Variants in PLEKHH1 observed in about 807,000 individuals in gnomAD.
The protein encoded by PLEKHH1 is pleckstrin homology, MyTH4 and FERM domain containing H1.
In PLEKHH1, 104 loss-of-function variants were observed where a neutral mutation model predicts 160.0. That is an observed-to-expected ratio of 0.65 (90% confidence interval 0.55 to 0.76). The LOEUF is 0.76. PLEKHH1 is among the 30% of genes least tolerant of loss of function. The pLI is 0.00. For synonymous variants in PLEKHH1, 619 were observed against 678.4 expected (o/e 0.91, Z 1.36); for missense variants, 1,427 against 1,724.1 (o/e 0.83, Z 3.05).
chr14:67,563,972 G>A (rs2034966176), intron 7 of PLEKHH1, among the ~76,000 whole-genome samples: 3 of 150,784 alleles, frequency 2.0e-5, no homozygotes, highest in Admixed American at 6.6e-5. Context: ...CACAATCTCA[G>A]CTCACTGGAA....
rs1304110069 is a variant in PLEKHH1 at position 67,588,470 on chromosome 14, G to C, written c.*1235G>C. 1 of 152,258 alleles carries C rather than the reference G, an allele frequency of 6.6e-6. No homozygotes were observed. The highest frequency in any genetic ancestry group is 6.5e-5 in the Admixed American group (1 of 15,278). The allele number at this position is 152,258 out of a possible 1,614,324, so 9.4% of individuals were successfully genotyped here. On this transcript the variant is annotated 3_prime_UTR_variant, in exon 29 of 29. Transcript: ENST00000329153. Reference sequence around the variant, plus strand: ...GGGTACATATGTGACATTTGCCCTAGCCTAAGAGTAGCAGGTAAAAAAAAG... The same window carrying C: ...GGGTACATATGTGACATTTGCCCTACCCTAAGAGTAGCAGGTAAAAAAAAG...
rs372636928 is a variant in PLEKHH1, at chr14:67,569,216, G to A, written c.1342G>A (p.Ala448Thr). 1.5e-5 allele frequency: 24 copies of A among 1,607,112 alleles called. No individual in the cohort carries two copies. Among genetic ancestry groups the A allele is most frequent in the African/African-American group, 1.2e-4 (9 of 74,754 alleles). ...MSPRSNTACC[A>T]SSPPALVSPG... is the part of the protein sequence containing the mutation. ...TCCCAGAAGTAATACTGCATGCTGC[G>A]GTGAGTTCCAAGTGAGGCTTGGAGG... The change falls in exon 8 of 29, where the codon GCT (alanine) becomes ACT (threonine). Residue 448 changes from alanine to threonine, a missense_variant and splice_region_variant. Around this residue, in one of 6 missense-constraint regions of PLEKHH1, gnomAD observed 831 missense variants for 929.2 expected, o/e 0.89. Coordinates refer to ENST00000329153, the MANE Select transcript of PLEKHH1 (RefSeq NM_020715.3).
At chr14:67,563,764 T>C in intron 7 of PLEKHH1, among the ~76,000 whole-genome samples, 1 of 145,438 alleles carries the variant, frequency 6.9e-6, no homozygotes, top group South Asian at 2.2e-4. Context: ...GACAGAGTCT[T>C]GCTCTGTCAC....
In PLEKHH1 at chr14:67,576,399, C is replaced by T. The variant is rs757889664; in HGVS notation, c.2357C>T (p.Thr786Met). The change falls in exon 17 of 29, where the codon ACG (threonine) becomes ATG (methionine). Residue 786 changes from threonine (T) to methionine (M), a missense_variant. Physicochemically the swap from Thr to Met is moderately conservative, Grantham distance 81. Around this residue, in one of 6 missense-constraint regions of PLEKHH1, gnomAD observed 436 missense variants for 607.5 expected, o/e 0.72. Transcript: ENST00000329153. The surrounding 1 kb of genome is among the most constrained non-coding windows in gnomAD (Gnocchi z 4.0). ...TGGCTTTCCGCCCTCTTCCAGGATA[C>T]GTGGCTCTACCACCTCACAGTGGCT... is the stretch of plus-strand genomic sequence containing the variant. ...LLIGTKHEKD[T>M]WLYHLTVAAG... The T allele has an allele frequency of 1.6e-5, 25 of 1,590,782 alleles. No individual in the cohort carries two copies. Among genetic ancestry groups the T allele is most frequent in the Middle Eastern group, 1.7e-4 (1 of 5,988 alleles).
In PLEKHH1 at chr14:67,576,499, T is replaced by G; in HGVS notation, c.2457T>G (p.Asp819Glu). ...GAAAACTGATGGATGGTGAAGGAGA[T>G]CCAGGTAAGGCAAGGGTGGCCACCA... ...LIGKLMDGEG[D>E]PDSPLWRHPM... is the part of the protein sequence containing the mutation. Residue 819 changes from aspartate (D) to glutamate (E), a missense_variant, in exon 17 of 29, where the codon GAT becomes GAG. Asp to Glu is a conservative substitution (Grantham distance 45). Coordinates refer to ENST00000329153, the MANE Select transcript of PLEKHH1 (RefSeq NM_020715.3). This position sits in a 1 kb window ranked among gnomAD's most constrained non-coding sequence, Gnocchi z 4.0. 1 of 1,547,596 alleles carries G rather than the reference T, an allele frequency of 6.5e-7. No homozygotes were observed. The highest frequency in any genetic ancestry group is 2.2e-5 in the East Asian group (1 of 44,510).
chr14:67,555,436 A>G (rs1173704021), intron 2 of PLEKHH1, among the ~76,000 whole-genome samples: 1 of 152,164 alleles, frequency 6.6e-6, no homozygotes, highest in East Asian at 1.9e-4. Flanking sequence ...TGGGAGCAGC[A>G]GCATGGCCCC....
intron 28 of PLEKHH1, chr14:67,586,463 G>C (rs1566769114): frequency 1.6e-6 from 2 of 1,263,816 alleles, no homozygotes; most frequent in Admixed American, 2.3e-5. Flanking sequence ...TAAGGTGCTC[G>C]CATGTTACCC....
Position 67,581,791 on chromosome 14 carries a change from A to G in PLEKHH1, c.3285-278A>G, listed in dbSNP as rs916262841. The G allele has an allele frequency of 4.2e-5, 16 of 382,868 alleles. No individual in the cohort carries two copies. In the East Asian group the frequency reaches 7.7e-4, roughly 18 times the overall value. 23.7% of individuals were successfully genotyped at this position (382,868 alleles called of 1,614,324 possible). A position where few individuals can be genotyped will look rare whatever the true frequency, so the allele number is the denominator to read the frequency against. ...CTTACCTCATCCAGTCCCCTAATCT[A>G]TAACTCCAGGTACCAGATTTCCCTT... On this transcript the variant is annotated intron_variant, in intron 23 of 28. Coordinates refer to ENST00000329153, the MANE Select transcript of PLEKHH1 (RefSeq NM_020715.3).
intron 18 of PLEKHH1, 32 bp from the exon 19 acceptor site, chr14:67,577,991 G>A: frequency 6.3e-7 from 1 of 1,597,338 alleles, no homozygotes; most frequent in Non-Finnish European, 8.5e-7. Flanking sequence ...GGGGATGCTG[G>A]TCTGCCTGTG....
In PLEKHH1 at chr14:67,586,030, C is replaced by A. The variant is rs1299128310; in HGVS notation, c.3866C>A (p.Ser1289Tyr). ...CRDDFMLVIR[S>Y]IPDKSSGKSH... ...GATGACTTCATGCTTGTGATTAGATCTATCCCAGACAAGAGCTCTGGAAAA... is the reference window on the plus strand; with the variant it reads ...GATGACTTCATGCTTGTGATTAGATATATCCCAGACAAGAGCTCTGGAAAA... Residue 1289 changes from serine (S) to tyrosine (Y), a missense_variant, in exon 28 of 29, where the codon TCT becomes TAT. By Grantham distance (144) the Ser-to-Tyr change is moderately radical. Around this residue, in one of 6 missense-constraint regions of PLEKHH1, gnomAD observed 96 missense variants for 97.6 expected, o/e 0.98. Transcript: ENST00000329153. 1.2e-6 allele frequency: 2 copies of A among 1,613,860 alleles called. No homozygotes were observed. The highest frequency in any genetic ancestry group is 1.1e-5 in the South Asian group (1 of 91,082).
At chr14:67,545,880 G>A (rs535872885) in intron 2 of PLEKHH1, among the ~76,000 whole-genome samples, 87 of 152,032 alleles carry the variant, frequency 5.7e-4, no homozygotes, top group East Asian at 1.2e-3. Flanking sequence ...TCCCAGATCC[G>A]TGCTCATGGA....
At chr14:67,583,936 T>C in intron 25 of PLEKHH1, 53 bp downstream of exon 25, 2 of 1,611,848 alleles carry the variant, frequency 1.2e-6, no homozygotes, top group East Asian at 2.2e-5. Flanking sequence ...GTCTCAGGCC[T>C]GGAATGAAGA....
At chr14:67,553,573 G>T (rs2034480212) in intron 2 of PLEKHH1, among the ~76,000 whole-genome samples, 1 of 152,166 alleles carries the variant, frequency 6.6e-6, no homozygotes, top group Non-Finnish European at 1.5e-5. Context: ...GAGAGAATCT[G>T]GCTGGTCCAG....
At chr14:67,544,281 C>T (rs574862429) in intron 2 of PLEKHH1, among the ~76,000 whole-genome samples, 4 of 152,174 alleles carry the variant, frequency 2.6e-5, no homozygotes, top group South Asian at 2.1e-4. Context: ...GAGAACCTGA[C>T]GATAACACTG....
intron 9 of PLEKHH1, 107 bp downstream of exon 9, chr14:67,570,119 A>G: frequency 1.2e-6 from 1 of 831,120 alleles, no homozygotes; most frequent in Non-Finnish European, 2.0e-6. Context: ...GCACATGGTG[A>G]CCCTGCCCAG....
intron 2 of PLEKHH1, among the ~76,000 whole-genome samples, chr14:67,554,250 C>A (rs1037284111): frequency 6.6e-6 from 1 of 152,170 alleles, no homozygotes; most frequent in East Asian, 1.9e-4. Flanking sequence ...GCTCATCTAC[C>A]TTTTAATTAA....
intron 23 of PLEKHH1, among the ~76,000 whole-genome samples, chr14:67,581,258 G>A (rs573835792): frequency 6.0e-4 from 86 of 142,524 alleles, no homozygotes; most frequent in Non-Finnish European, 8.6e-4. Flanking sequence ...TATACTGCGT[G>A]TGCGTGTGTG....
chr14:67,536,850 G>A (rs2033738825), intron 1 of PLEKHH1, among the ~76,000 whole-genome samples: 1 of 151,748 alleles, frequency 6.6e-6, no homozygotes, highest in Non-Finnish European at 1.5e-5. Flanking sequence ...TGACCAGACT[G>A]GCCAACATGG....
chr14:67,577,444 C>T (rs770627679), intron 18 of PLEKHH1, 30 bp downstream of exon 18: 1 of 1,350,754 alleles, frequency 7.4e-7, no homozygotes, highest in Non-Finnish European at 1.0e-6. Flanking sequence ...AGGCCCACCG[C>T]TGGGATACTT....
Sources: allele counts gnomAD v4.1 joint callset (sites outside exome capture counted in the v4.1 genomes callset), GRCh38; gene constraint gnomAD v4.1.1; regional missense constraint gnomAD v4.1.1; non-coding constraint Gnocchi (gnomAD v3.1); transcripts MANE v1.5; gene names NCBI Gene and HGNC (gene_info 2026-07-23, HGNC 2026-07-21).